PHACTR3: variants seen among roughly 807,000 people sequenced by gnomAD.
PHACTR3 encodes the protein phosphatase and actin regulator 3.
In PHACTR3, 16 loss-of-function variants were observed where a neutral mutation model predicts 66.8. The observed-to-expected ratio is 0.24, with a 90% CI of 0.16 to 0.36. The LOEUF (loss-of-function observed/expected upper bound fraction) is 0.36. Among genes scored for constraint, PHACTR3 ranks in the 10% least tolerant of loss-of-function variants. PHACTR3 has a pLI of 1.00. For synonymous variants in PHACTR3, 323 were observed against 292.1 expected, an observed-to-expected ratio of 1.11 and a Z score of -1.08; for missense variants, 647 against 719.9, an observed-to-expected ratio of 0.90 and a Z score of 1.16.
chr20:59,765,572 G>T (rs769236050), intron 4 of PHACTR3, among the ~76,000 whole-genome samples: 4 of 152,234 alleles, frequency 2.6e-5, no homozygotes, highest in Admixed American at 6.5e-5. Context: ...ATAAGAAAGG[G>T]CTGGGAATGA....
intron 1 of PHACTR3, among the ~76,000 whole-genome samples, chr20:59,613,884 A>T (rs1401570611): frequency 6.6e-6 from 1 of 152,248 alleles, no homozygotes; most frequent in Non-Finnish European, 1.5e-5. Context: ...GGAACAAGAT[A>T]GGCAGGGTCA....
intron 7 of PHACTR3, among the ~76,000 whole-genome samples, chr20:59,793,973 A>T (rs2041178192): frequency 6.6e-6 from 1 of 152,054 alleles, no homozygotes; most frequent in Non-Finnish European, 1.5e-5. Context: ...AAATACAAAA[A>T]ATTAGCCAGG....
intron 1 of PHACTR3, among the ~76,000 whole-genome samples, chr20:59,632,423 G>T (rs1282037648): frequency 6.6e-6 from 1 of 152,136 alleles, no homozygotes; most frequent in South Asian, 2.1e-4. Context: ...CAGTTGAAGC[G>T]CTTGGAAAGA....
chr20:59,605,148 G>T lies in PHACTR3; in HGVS notation c.118+16G>T. On this transcript the variant is annotated intron_variant, in intron 1 of 12. Transcript: ENST00000371015. ...GAGAACCCAGGTAACGGGCTGGGCG[G>T]GGGCGGCGGGCGGGTCGGGGAGGCC... is the stretch of plus-strand genomic sequence containing the variant. The T allele has an allele frequency of 1.5e-6, 2 of 1,307,474 alleles. No individual in the cohort carries two copies. The highest frequency in any genetic ancestry group is 6.2e-5 in the East Asian group (2 of 32,172). The allele number at this position is 1,307,474 out of a possible 1,614,324, so 81.0% of individuals were successfully genotyped here.
intron 1 of PHACTR3, among the ~76,000 whole-genome samples, chr20:59,733,235 A>G (rs2038833754): frequency 6.6e-6 from 1 of 152,136 alleles, no homozygotes; most frequent in Admixed American, 6.5e-5. Context: ...CAGCACACCC[A>G]AAATATCATG....
intron 1 of PHACTR3, among the ~76,000 whole-genome samples, chr20:59,710,910 C>CT (rs11439330): frequency 0.4 from 60,871 of 151,860 alleles, 13,340 homozygotes; most frequent in Middle Eastern, 0.52. Context: ...AAAATAAAGT[C>CT]TTTTTTCTTT....
intron 1 of PHACTR3, among the ~76,000 whole-genome samples, chr20:59,638,796 A>AAATG (rs1555881669): frequency 7.4e-5 from 1 of 13,432 alleles, no homozygotes; most frequent in East Asian, 6.8e-3. Context: ...GGAGATGGAT[A>AAATG]GATGGATGGA....
At chr20:59,707,149 G>A (rs1049953983) in intron 1 of PHACTR3, among the ~76,000 whole-genome samples, 10 of 152,260 alleles carry the variant, frequency 6.6e-5, no homozygotes, top group Admixed American at 5.9e-4. Flanking sequence ...GACCACGCCA[G>A]CAGGGCTCTG....
intron 7 of PHACTR3, among the ~76,000 whole-genome samples, chr20:59,794,529 C>T (rs1022687697): frequency 1.3e-5 from 2 of 152,000 alleles, no homozygotes; most frequent in African/African-American, 4.8e-5. Flanking sequence ...CTTATCTGGT[C>T]TTAGTAACAG....
rs5842281 is a variant in PHACTR3, at chr20:59,741,754, C to CT, written c.119-1338dup. Among the ~76,000 whole-genome samples, 97 of 139,396 alleles carry CT rather than the reference C, an allele frequency of 7.0e-4. No individual in the cohort carries two copies. In the South Asian group the frequency reaches 7.6e-3, roughly 11 times the overall value. 91.4% of individuals were successfully genotyped at this position (139,396 alleles called of 152,430 possible). On this transcript the variant is annotated intron_variant, in intron 1 of 12. Coordinates refer to ENST00000371015, the MANE Select transcript of PHACTR3 (RefSeq NM_080672.5). ...GCCAGGGCTCCCCATTTCTTTCTTT[C>CT]TTTTTTTTTTTTTTTCTTCTTTTTT... is the stretch of plus-strand genomic sequence containing the variant.
chr20:59,689,636 G>A lies in PHACTR3; in HGVS notation c.119-53471G>A, dbSNP rs150793526. On this transcript the variant is annotated intron_variant, in intron 1 of 12. Coordinates refer to ENST00000371015, the MANE Select transcript of PHACTR3 (RefSeq NM_080672.5). ...ATATTGAACCCCCTGCAATAGTCCA[G>A]CCCCATCATTCCATTTCATAAAGGA... Among the ~76,000 whole-genome samples, 407 of 152,278 alleles carry A rather than the reference G, an allele frequency of 2.7e-3. 2 individuals are homozygous for A. The highest frequency in any genetic ancestry group is 4.2e-3 in the Non-Finnish European group (288 of 68,018).
chr20:59,686,082 C>T (rs1202411129), intron 1 of PHACTR3, among the ~76,000 whole-genome samples: 3 of 152,064 alleles, frequency 2.0e-5, no homozygotes, highest in Non-Finnish European at 4.4e-5. Context: ...TCCAATGTGA[C>T]GGTTTTCCTT....
At chr20:59,783,417 G>A (rs947893990) in intron 7 of PHACTR3, among the ~76,000 whole-genome samples, 1 of 151,904 alleles carries the variant, frequency 6.6e-6, no homozygotes, top group African/African-American at 2.4e-5. Flanking sequence ...CTGAAACAGG[G>A]CTGCCCCCCG....
chr20:59,747,763 GAGA>G lies in PHACTR3; in HGVS notation c.293_295del (p.Lys98del), dbSNP rs758621774. On this transcript the variant is annotated inframe_deletion, in exon 3 of 13. Transcript: ENST00000371015. ...TGTGTTTGTGTGTTGGGCAGCGCTG[GAGA>G]AGAAGATGGCCGGCAGGCAAGGCCG... 2.5e-5 allele frequency: 40 copies of G among 1,613,998 alleles called. No individual in the cohort carries two copies. In the African/African-American group the frequency reaches 4.5e-4, roughly 18 times the overall value.
intron 1 of PHACTR3, among the ~76,000 whole-genome samples, chr20:59,618,641 T>C (rs926029776): frequency 2.6e-5 from 4 of 152,204 alleles, no homozygotes; most frequent in Admixed American, 2.6e-4. Flanking sequence ...ACCTACGTGG[T>C]GTCTGGGCAC....
chr20:59,663,001 A>G (rs2035865067), intron 1 of PHACTR3, among the ~76,000 whole-genome samples: 1 of 152,210 alleles, frequency 6.6e-6, no homozygotes, highest in African/African-American at 2.4e-5. Context: ...AGGCATCAGT[A>G]GGGCTGAAAC....
rs575724185 is a variant in PHACTR3, at chr20:59,708,594, C to T, written c.119-34513C>T. On this transcript the variant is annotated intron_variant, in intron 1 of 12. Transcript: ENST00000371015. ...TGTGAGTCATAATAGAGTCTGCTTTCGGTTGCCCTGCTGGTCCCCAGATAT... is the reference window on the plus strand; with the variant it reads ...TGTGAGTCATAATAGAGTCTGCTTTTGGTTGCCCTGCTGGTCCCCAGATAT... Among the ~76,000 whole-genome samples, 4 of 152,286 alleles carry T rather than the reference C, an allele frequency of 2.6e-5. No homozygotes were observed. The South Asian group carries it at 8.3e-4, about 32-fold the overall frequency.
chr20:59,711,532 C>G (rs1160548858), intron 1 of PHACTR3, among the ~76,000 whole-genome samples: 1 of 152,102 alleles, frequency 6.6e-6, no homozygotes, highest in Non-Finnish European at 1.5e-5. Context: ...CTGATAAACT[C>G]ATCTTAAGTT....
intron 1 of PHACTR3, among the ~76,000 whole-genome samples, chr20:59,615,021 G>A (rs543089741): frequency 1.3e-5 from 2 of 152,042 alleles, no homozygotes; most frequent in South Asian, 2.1e-4. Flanking sequence ...CCTGTTTTTC[G>A]GGGATCTGCC....
Sources: allele counts gnomAD v4.1 joint callset (sites outside exome capture counted in the v4.1 genomes callset), GRCh38; gene constraint gnomAD v4.1.1; transcripts MANE v1.5; gene names NCBI Gene and HGNC (gene_info 2026-07-23, HGNC 2026-07-21).